The following RET variants were observed in gnomAD, a reference collection of about 807,000 sequenced individuals.
RET encodes proto-oncogene tyrosine-protein kinase receptor Ret.
Under a neutral mutation model 118.3 loss-of-function variants are expected in RET, and 19 were observed. That is an observed-to-expected ratio of 0.16 (90% CI 0.11 to 0.24). RET has a LOEUF of 0.24. Among genes scored for constraint, RET ranks in the 10% least tolerant of loss-of-function variants. RET has a pLI of 1.00. For synonymous variants in RET, 597 were observed against 644.1 expected, an observed-to-expected ratio of 0.93 and a Z score of 1.11; for missense variants, 1,219 against 1,502.1, an observed-to-expected ratio of 0.81 and a Z score of 3.12.
chr10:43,111,174 G>GC (rs1315263153), intron 6 of RET, 33 bp from the exon 7 acceptor site: 2 of 1,612,126 alleles, frequency 1.2e-6, no homozygotes, highest in East Asian at 2.2e-5. Context: ...CGGTCCAGCT[G>GC]CCTGGCTAAG....
chr10:43,086,511 C>T (rs1424086185), intron 1 of RET, among the ~76,000 whole-genome samples: 1 of 152,182 alleles, frequency 6.6e-6, no homozygotes, highest in East Asian at 1.9e-4. Context: ...AGTGGTGATG[C>T]CCTGGCCCCG....
rs1468856089 is a variant in RET at position 43,077,100 on chromosome 10, C to A, written c.-159C>A. 33 of 1,099,342 alleles carry A rather than the reference C, an allele frequency of 3.0e-5. No individual in the cohort carries two copies. The highest frequency in any genetic ancestry group is 1.3e-4 in the Admixed American group (3 of 23,046). The allele number at this position is 1,099,342 out of a possible 1,614,324, so 68.1% of individuals were successfully genotyped here. A position where few individuals can be genotyped will look rare whatever the true frequency, so the allele number is the denominator to read the frequency against. On this transcript the variant is annotated 5_prime_UTR_variant, in exon 1 of 20. Coordinates refer to ENST00000355710, the MANE Select transcript of RET (RefSeq NM_020975.6). ...GCGACCGAAGCAGGGCGCGCAGCAG[C>A]GCTGAGTGCCCCGGAACGTGCGTCG...
At chr10:43,077,892 C>T (rs965381442) in intron 1 of RET, among the ~76,000 whole-genome samples, 4 of 152,246 alleles carry the variant, frequency 2.6e-5, no homozygotes, top group Admixed American at 6.5e-5. Flanking sequence ...GCCGCCCTGT[C>T]TTTAAACACC....
At chr10:43,093,923 G>C (rs1489203779) in intron 1 of RET, among the ~76,000 whole-genome samples, 1 of 152,144 alleles carries the variant, frequency 6.6e-6, no homozygotes, top group Non-Finnish European at 1.5e-5. Flanking sequence ...CACAGTGGCA[G>C]GTGGGGAGGC....
At position 43,114,058 on chromosome 10, in the gene RET, C is replaced by A. The variant is rs1366140908; in HGVS notation, c.1879+383C>A. 6.6e-6 allele frequency among the ~76,000 whole-genome samples: 1 copy of A among 152,210 alleles called. No individual in the cohort carries two copies. The highest frequency in any genetic ancestry group is 1.9e-4 in the East Asian group (1 of 5,196). ...GTGCTGTTCTGCCTGAGCATAGGGA[C>A]ACGTTTCTGTCATTGAGTTTTCTGG... On this transcript the variant is annotated intron_variant, in intron 10 of 19. Transcript: ENST00000355710. The surrounding 1 kb of genome is among the most constrained non-coding windows in gnomAD (Gnocchi z 4.6).
At chr10:43,077,391 G>A (rs1837070873) in intron 1 of RET, 60 bp downstream of exon 1, 1 of 1,471,684 alleles carries the variant, frequency 6.8e-7, no homozygotes, top group Non-Finnish European at 9.0e-7. Flanking sequence ...GCCGAGCAGC[G>A]GAGCGGGCGC....
chr10:43,107,334 G>T (rs557465338), intron 5 of RET, among the ~76,000 whole-genome samples: 1 of 152,194 alleles, frequency 6.6e-6, no homozygotes, highest in African/African-American at 2.4e-5. Context: ...CTGTGTGCCA[G>T]AGTGCCCCTC....
chr10:43,100,218 A>C (rs1242641744), intron 1 of RET, among the ~76,000 whole-genome samples: 2 of 152,086 alleles, frequency 1.3e-5, no homozygotes, highest in African/African-American at 4.8e-5. Context: ...GGCTTGGATG[A>C]TTGAGAATAG....
At chr10:43,086,915 A>G (rs946383949) in intron 1 of RET, among the ~76,000 whole-genome samples, 1 of 152,242 alleles carries the variant, frequency 6.6e-6, no homozygotes, top group African/African-American at 2.4e-5. Context: ...TTGGGCTGCC[A>G]GGTCCCCCAG....
intron 3 of RET, 102 bp downstream of exon 3, chr10:43,102,731 GC>G: frequency 7.1e-7 from 1 of 1,416,856 alleles, no homozygotes; most frequent in Non-Finnish European, 9.8e-7. Context: ...TCACCTTCAT[GC>G]CATCAGTTCA....
chr10:43,077,251 C>G lies in RET; in HGVS notation c.-8C>G, dbSNP rs1210672244. Reference sequence around the variant, plus strand: ...TCCCTCCAGCCGTGGCCCCAGCGCGCACGGGCGATGGCGAAGGCGACGTCC... The same window carrying G: ...TCCCTCCAGCCGTGGCCCCAGCGCGGACGGGCGATGGCGAAGGCGACGTCC... On this transcript the variant is annotated 5_prime_UTR_variant, in exon 1 of 20. Transcript: ENST00000355710. 6.7e-7 allele frequency: 1 copy of G among 1,500,532 alleles called. No homozygotes were observed. The highest frequency in any genetic ancestry group is 1.4e-5 in the African/African-American group (1 of 69,252). 93.0% of individuals were successfully genotyped at this position (1,500,532 alleles called of 1,614,324 possible).
At chr10:43,102,039 G>A (rs1786574558) in intron 2 of RET, among the ~76,000 whole-genome samples, 1 of 152,352 alleles carries the variant, frequency 6.6e-6, no homozygotes, top group Admixed American at 6.5e-5. Flanking sequence ...CCTTACTGGA[G>A]AAGTTGCCAC....
In RET at chr10:43,115,894, T is replaced by TG. The variant is rs554005820; in HGVS notation, c.2137-686dup. ...CTTGACTGTGGGTTCCCAGGGAATG[T>TG]GGGGCCAGACCAGGACAGCCCAGGA... On this transcript the variant is annotated intron_variant, in intron 11 of 19. Coordinates refer to ENST00000355710, the MANE Select transcript of RET (RefSeq NM_020975.6). Among the ~76,000 whole-genome samples the TG allele has an allele frequency of 6.6e-4, 101 of 152,236 alleles. No individual in the cohort carries two copies. Among genetic ancestry groups the TG allele is most frequent in the African/African-American group, 2.3e-3 (94 of 41,532 alleles).
At chr10:43,094,633 C>A (rs12257294) in intron 1 of RET, among the ~76,000 whole-genome samples, 3,048 of 152,206 alleles carry the variant, frequency 0.02, 108 homozygotes, top group African/African-American at 0.069. Context: ...AGTGAGAGAC[C>A]AAGGGCCACA....
rs1185193053 is a variant in RET at position 43,107,000 on chromosome 10, C to T, written c.1063+429C>T. Among the ~76,000 whole-genome samples the T allele has an allele frequency of 9.2e-5, 14 of 152,260 alleles. No homozygotes were observed. The highest frequency in any genetic ancestry group is 7.8e-4 in the Admixed American group (12 of 15,290). ...ACAGGCTGGTGTACAGAAGCAGCCC[C>T]GAGCCAGGTCAGGGCTTCTGAGCCC... On this transcript the variant is annotated intron_variant, in intron 5 of 19. Transcript: ENST00000355710. The surrounding 1 kb of genome is among the most constrained non-coding windows in gnomAD (Gnocchi z 5.1).
chr10:43,077,350 C>G lies in RET; in HGVS notation c.73+19C>G, dbSNP rs1313037235. ...GGCAAAGGTGAGTTCTGCCGGCCGC[C>G]GGCTCCCGCAGGGGCCAGGGCGAAG... On this transcript the variant is annotated intron_variant, in intron 1 of 19. Coordinates refer to ENST00000355710, the MANE Select transcript of RET (RefSeq NM_020975.6). 1 of 1,504,614 alleles carries G rather than the reference C, an allele frequency of 6.6e-7. No individual in the cohort carries two copies. Among genetic ancestry groups the G allele is most frequent in the Non-Finnish European group, 8.8e-7 (1 of 1,132,054 alleles). 93.2% of individuals were successfully genotyped at this position (1,504,614 alleles called of 1,614,324 possible).
In RET at chr10:43,112,848, T is replaced by C. The variant is rs876658485; in HGVS notation, c.1649-5T>C. 2.5e-6 allele frequency: 4 copies of C among 1,610,166 alleles called. No individual in the cohort carries two copies. On this transcript the variant is annotated splice_polypyrimidine_tract_variant and splice_region_variant and intron_variant, in intron 8 of 19. Transcript: ENST00000355710. The stretch of plus-strand genomic sequence containing the variant: ...GGGTGACAGCCTGCTGTGTGTCCTG[T>C]GCAGGGATCACCAGGAACTTCTCCA...
chr10:43,098,771 T>C (rs749649448), intron 1 of RET, among the ~76,000 whole-genome samples: 12 of 152,182 alleles, frequency 7.9e-5, no homozygotes, highest in Non-Finnish European at 1.3e-4. Context: ...GTATAGACCA[T>C]GTTTTGTTCA....
chr10:43,119,888 G>T lies in RET; in HGVS notation c.2607+143G>T, dbSNP rs530760663. 7 of 1,245,654 alleles carry T rather than the reference G, an allele frequency of 5.6e-6. No homozygotes were observed. In the African/African-American group the frequency reaches 1.0e-4, roughly 19 times the overall value. 77.2% of individuals were successfully genotyped at this position (1,245,654 alleles called of 1,614,324 possible). On this transcript the variant is annotated intron_variant, in intron 14 of 19. Transcript: ENST00000355710. ...CCATGCCCCTGCCATGGCATGCCAT[G>T]CTATGGCTCACCACGCCCCTGCCAT...
Sources: allele counts gnomAD v4.1 joint callset (sites outside exome capture counted in the v4.1 genomes callset), GRCh38; gene constraint gnomAD v4.1.1; non-coding constraint Gnocchi (gnomAD v3.1); transcripts MANE v1.5; gene names NCBI Gene and HGNC (gene_info 2026-07-23, HGNC 2026-07-21).